CDC5L: variants seen among roughly 807,000 people sequenced by gnomAD.
CDC5L encodes the protein cell division cycle 5 like.
A neutral mutation model predicts 104.1 loss-of-function variants in CDC5L; 18 were observed. The observed-to-expected ratio is 0.17, with a 90% CI of 0.12 to 0.26. CDC5L has a LOEUF of 0.26. Among genes scored for constraint, CDC5L ranks in the 10% least tolerant of loss-of-function variants. CDC5L has a pLI of 1.00. For missense variants in CDC5L, 673 were observed against 956.9 expected, an observed-to-expected ratio of 0.70 and a Z score of 3.91; for synonymous variants, 331 against 322.7, an observed-to-expected ratio of 1.03 and a Z score of -0.28.
intron 5 of CDC5L, among the ~76,000 whole-genome samples, chr6:44,402,813 G>C (rs1791191303): frequency 6.6e-6 from 1 of 152,158 alleles, no homozygotes; most frequent in African/African-American, 2.4e-5. Flanking sequence ...GGTATGTCTT[G>C]GGCCTCTTTC....
chr6:44,431,059 A>G (rs73441604), intron 14 of CDC5L, among the ~76,000 whole-genome samples: 450 of 152,334 alleles, frequency 3.0e-3, no homozygotes, highest in Middle Eastern at 0.014. Flanking sequence ...AGCCAGAAGT[A>G]GTAAAATCAC....
At chr6:44,392,911 T>A in intron 3 of CDC5L, 83 bp downstream of exon 3, 1 of 1,276,448 alleles carries the variant, frequency 7.8e-7, no homozygotes, top group Non-Finnish European at 1.1e-6. Flanking sequence ...TTTCTGTCTT[T>A]AAACTTTTAA....
chr6:44,410,641 A>C (rs1791583402), intron 8 of CDC5L, among the ~76,000 whole-genome samples: 1 of 152,258 alleles, frequency 6.6e-6, no homozygotes, highest in African/African-American at 2.4e-5. Flanking sequence ...GTTGCTCTTG[A>C]GACCTCCTAT....
intron 14 of CDC5L, among the ~76,000 whole-genome samples, chr6:44,434,951 T>G (rs192829086): frequency 1.3e-5 from 2 of 152,106 alleles, no homozygotes; most frequent in African/African-American, 4.8e-5. Flanking sequence ...AAAAATAACA[T>G]TTCTAGGCGT....
Position 44,434,958 on chromosome 6 carries a change from G to C in CDC5L, c.2091+5048G>C, listed in dbSNP as rs185363990. Among the ~76,000 whole-genome samples the C allele has an allele frequency of 8.8e-4, 133 of 151,946 alleles. 1 individual carries two copies. Among genetic ancestry groups the C allele is most frequent in the Middle Eastern group, 6.8e-3 (2 of 294 alleles). On this transcript the variant is annotated intron_variant, in intron 14 of 15. Transcript: ENST00000371477. ...GCATTTAAAAAAATAACATTTCTAG[G>C]CGTCTTTCTATAAATAATACCTGTG...
rs1398231602 is a variant in CDC5L, at chr6:44,450,309, A to C, written c.*3598A>C. 1 of 152,256 alleles carries C rather than the reference A, an allele frequency of 6.6e-6. No individual in the cohort carries two copies. The highest frequency in any genetic ancestry group is 1.5e-5 in the Non-Finnish European group (1 of 68,046). 9.4% of individuals were successfully genotyped at this position (152,256 alleles called of 1,614,324 possible). A position where few individuals can be genotyped will look rare whatever the true frequency, so the allele number is the denominator to read the frequency against. On this transcript the variant is annotated 3_prime_UTR_variant, in exon 16 of 16. Transcript: ENST00000371477. ...AAAGTCTGTACTTACAGAACTTTTGAGTTCACAGTGCTTTCTGGAAATAAT... is the reference window on the plus strand; with the variant it reads ...AAAGTCTGTACTTACAGAACTTTTGCGTTCACAGTGCTTTCTGGAAATAAT...
chr6:44,403,924 A>C lies in CDC5L; in HGVS notation c.655A>C (p.Lys219Gln). The C allele has an allele frequency of 1.2e-6, 2 of 1,613,852 alleles. No homozygotes were observed. Among genetic ancestry groups the C allele is most frequent in the Non-Finnish European group, 1.7e-6 (2 of 1,179,902 alleles). The change falls in exon 6 of 16, where the codon AAG becomes CAG. Residue 219 changes from lysine (K) to glutamine (Q), a missense_variant. This residue lies in a region of CDC5L where 578 missense variants were observed against 737.0 expected (regional missense o/e 0.78). Coordinates refer to ENST00000371477, the MANE Select transcript of CDC5L (RefSeq NM_001253.4). ...DYNAEIPFEK[K>Q]PALGFYDTSE... ...TAATGCCGAAATCCCATTTGAAAAA[A>C]AGCCTGCCCTTGGTTTTTATGATAC...
At chr6:44,445,948 T>A in intron 15 of CDC5L, 81 bp downstream of exon 15, 1 of 1,068,802 alleles carries the variant, frequency 9.4e-7, no homozygotes, top group Non-Finnish European at 1.4e-6. Context: ...TTCTCCTATG[T>A]AGACTGTCTC....
chr6:44,411,970 A>G (rs1214611470), intron 8 of CDC5L, among the ~76,000 whole-genome samples: 1 of 152,086 alleles, frequency 6.6e-6, no homozygotes, highest in Non-Finnish European at 1.5e-5. Context: ...AAACCTAACC[A>G]CTCACAGAGG....
At chr6:44,418,737 A>C (rs1792015315) in intron 8 of CDC5L, among the ~76,000 whole-genome samples, 2 of 151,824 alleles carry the variant, frequency 1.3e-5, no homozygotes, top group Admixed American at 6.6e-5. Flanking sequence ...CATTTCTCTG[A>C]TGGCCAGTGA....
At chr6:44,416,106 G>C (rs534204462) in intron 8 of CDC5L, among the ~76,000 whole-genome samples, 1 of 152,280 alleles carries the variant, frequency 6.6e-6, no homozygotes, top group South Asian at 2.1e-4. Context: ...GGCCTCCTCT[G>C]ATGTAGTCTA....
intron 3 of CDC5L, 99 bp downstream of exon 3, chr6:44,392,927 G>T: frequency 9.1e-7 from 1 of 1,093,874 alleles, no homozygotes; most frequent in Non-Finnish European, 1.3e-6. Flanking sequence ...TTTAATTATG[G>T]ATGTGAGTAA....
In CDC5L at chr6:44,448,903, TG is replaced by T. The variant is rs775478911; in HGVS notation, c.*2194del. On this transcript the variant is annotated 3_prime_UTR_variant, in exon 16 of 16. Transcript: ENST00000371477. ...AAAGAGTTTGAATTAGAAATGGCTC[TG>T]GAACTTTAAACAGTATACCATTTGG... 1.3e-5 allele frequency: 2 copies of T among 152,226 alleles called. No homozygotes were observed. Among genetic ancestry groups the T allele is most frequent in the Non-Finnish European group, 2.9e-5 (2 of 68,032 alleles). The allele number at this position is 152,226 out of a possible 1,614,324, so 9.4% of individuals were successfully genotyped here.
chr6:44,415,720 G>A (rs780460579), intron 8 of CDC5L, among the ~76,000 whole-genome samples: 8 of 152,264 alleles, frequency 5.3e-5, no homozygotes, highest in Non-Finnish European at 1.0e-4. Context: ...CAGAACTTAG[G>A]CACACATGTC....
Position 44,448,118 on chromosome 6 carries a change from C to T in CDC5L, c.*1407C>T, listed in dbSNP as rs1186907654. On this transcript the variant is annotated 3_prime_UTR_variant, in exon 16 of 16. Coordinates refer to ENST00000371477, the MANE Select transcript of CDC5L (RefSeq NM_001253.4). ...CTTAAAGAAGTAACATTTAAGATAACATGTGATTGACATTTTAGAATGGGC... is the reference window on the plus strand; with the variant it reads ...CTTAAAGAAGTAACATTTAAGATAATATGTGATTGACATTTTAGAATGGGC... 2.0e-5 allele frequency: 3 copies of T among 152,054 alleles called. No homozygotes were observed. The highest frequency in any genetic ancestry group is 4.4e-5 in the Non-Finnish European group (3 of 68,020). The allele number at this position is 152,054 out of a possible 1,614,324, so 9.4% of individuals were successfully genotyped here.
chr6:44,439,931 C>A (rs957345643), intron 14 of CDC5L, among the ~76,000 whole-genome samples: 3 of 152,128 alleles, frequency 2.0e-5, no homozygotes, highest in Non-Finnish European at 4.4e-5. Context: ...CTCACTCTTA[C>A]CCCGCTGTAC....
In CDC5L at chr6:44,446,966, G is replaced by A. The variant is rs575063900; in HGVS notation, c.*255G>A. 3.5e-5 allele frequency: 9 copies of A among 259,258 alleles called. No individual in the cohort carries two copies. The South Asian group carries it at 1.4e-3, about 41-fold the overall frequency. The allele number at this position is 259,258 out of a possible 1,614,324, so 16.1% of individuals were successfully genotyped here. ...ATATTTGCAAACTTTTTTAGTTTTG[G>A]CCTTTAATTTAAAAAGCCTAATTTT... On this transcript the variant is annotated 3_prime_UTR_variant, in exon 16 of 16. Coordinates refer to ENST00000371477, the MANE Select transcript of CDC5L (RefSeq NM_001253.4).
At position 44,426,730 on chromosome 6, in the gene CDC5L, A is replaced by T; in HGVS notation, c.1893+6A>T. On this transcript the variant is annotated splice_donor_region_variant and intron_variant, in intron 13 of 15. Transcript: ENST00000371477. ...CCAAAGAAGAGCTGAAAAAGGTATG[A>T]TTGAGCTGGAATATTTCTTCTTGAG... 1 of 1,611,410 alleles carries T rather than the reference A, an allele frequency of 6.2e-7. No individual in the cohort carries two copies. The highest frequency in any genetic ancestry group is 8.5e-7 in the Non-Finnish European group (1 of 1,178,714).
chr6:44,397,483 T>G (rs574302950), intron 5 of CDC5L, among the ~76,000 whole-genome samples: 2 of 152,348 alleles, frequency 1.3e-5, no homozygotes, highest in East Asian at 3.9e-4. Flanking sequence ...CATTTCAGAA[T>G]ATTTATAGAA....
Sources: gnomAD v4.1 joint callset for allele counts (sites outside exome capture counted in the v4.1 genomes callset) on GRCh38, gnomAD v4.1.1 for gene constraint, gnomAD v4.1.1 regional missense constraint, MANE v1.5 for transcripts, NCBI Gene and HGNC (gene_info 2026-07-23, HGNC 2026-07-21) for gene names.